ANKRD62: variants seen among roughly 807,000 people sequenced by gnomAD.
The protein encoded by ANKRD62 is ankyrin repeat domain-containing protein 62.
A neutral mutation model predicts 98.8 loss-of-function variants in ANKRD62; 61 were observed. That is an observed-to-expected ratio of 0.62 (90% CI 0.50 to 0.76). The LOEUF (loss-of-function observed/expected upper bound fraction) is 0.76. Ranked by LOEUF, ANKRD62 falls within the 30% of genes least tolerant of loss-of-function variation. The pLI, the probability that ANKRD62 is intolerant of heterozygous loss-of-function variation, is 0.00. For missense variants in ANKRD62, 933 were observed against 1,082.9 expected, an observed-to-expected ratio of 0.86 and a Z score of 1.94; for synonymous variants, 341 against 367.9, an observed-to-expected ratio of 0.93 and a Z score of 0.84.
At chr18:12,154,396 T>C in the ANKRD62 span, among the ~76,000 whole-genome samples, 3 of 152,266 alleles carry the variant, frequency 2.0e-5, no homozygotes, top group African/African-American at 7.2e-5. Context: ...CACAATGAGA[T>C]ACCATCACCC....
At chr18:12,151,987 A>G in the ANKRD62 span, among the ~76,000 whole-genome samples, 1 of 151,898 alleles carries the variant, frequency 6.6e-6, no homozygotes, top group African/African-American at 2.4e-5. Context: ...AAATTTTTCT[A>G]CACATACACC....
chr18:12,111,248 CAA>C (rs35918523), intron 8 of ANKRD62, among the ~76,000 whole-genome samples: 13 of 124,696 alleles, frequency 1.0e-4, no homozygotes, highest in Admixed American at 1.7e-4. Context: ...GACTGCCTCT[CAA>C]AAAAAAAAAA....
intron 11 of ANKRD62, 122 bp downstream of exon 11, chr18:12,122,638 T>C: frequency 1.2e-6 from 1 of 823,666 alleles, no homozygotes. Context: ...CTTAAAATTG[T>C]GGAATGTGAA....
rs1348333753 is a variant in ANKRD62 at position 12,095,153 on chromosome 18, G to A, written c.219-18G>A. The A allele has an allele frequency of 5.2e-6, 8 of 1,530,008 alleles. No individual in the cohort carries two copies. The African/African-American group carries it at 6.9e-5, about 13-fold the overall frequency. The allele number at this position is 1,530,008 out of a possible 1,614,324, so 94.8% of individuals were successfully genotyped here. ...ACTGTGCACTACAATTGCCTAAAGC[G>A]ACCTCTCATTCTCACAGGACTGCTC... On this transcript the variant is annotated intron_variant, in intron 1 of 13. Coordinates refer to ENST00000587848, the MANE Select transcript of ANKRD62 (RefSeq NM_001277333.2).
chr18:12,114,007 G>A (rs148128279), intron 8 of ANKRD62, among the ~76,000 whole-genome samples: 132 of 152,208 alleles, frequency 8.7e-4, no homozygotes, highest in African/African-American at 3.1e-3. Flanking sequence ...GGAGCTGGTG[G>A]CCATTATTCT....
intron 3 of ANKRD62, 80 bp from the exon 4 acceptor site, chr18:12,096,116 A>C: frequency 1.1e-6 from 1 of 942,708 alleles, no homozygotes; most frequent in Non-Finnish European, 1.6e-6. Context: ...TTAAGTTCAT[A>C]GGATCTTAAC....
chr18:12,155,276 T>A, the ANKRD62 span, among the ~76,000 whole-genome samples: 1 of 152,218 alleles, frequency 6.6e-6, no homozygotes, highest in South Asian at 2.1e-4. Context: ...TTTATGAGAA[T>A]TTAATATGAG....
chr18:12,159,885 G>T, the ANKRD62 span, among the ~76,000 whole-genome samples: 1 of 152,048 alleles, frequency 6.6e-6, no homozygotes, highest in African/African-American at 2.4e-5. Flanking sequence ...TTAGTTTTGT[G>T]TAGGTCTTTT....
intron 6 of ANKRD62, 139 bp from the exon 7 acceptor site, chr18:12,103,019 A>G (rs1032625082): frequency 4.2e-5 from 27 of 646,498 alleles, no homozygotes; most frequent in Non-Finnish European, 5.8e-5. Flanking sequence ...AAGTAGATAT[A>G]TCGCTAAAGA....
At chr18:12,158,027 C>T in the ANKRD62 span, among the ~76,000 whole-genome samples, 1 of 152,208 alleles carries the variant, frequency 6.6e-6, no homozygotes, top group Non-Finnish European at 1.5e-5. Context: ...GTTGGCTCCC[C>T]CTTCCAGCGT....
chr18:12,119,340 CTTCTTCT>C (rs1350661740), intron 10 of ANKRD62, among the ~76,000 whole-genome samples: 2 of 80,938 alleles, frequency 2.5e-5, no homozygotes, highest in African/African-American at 9.6e-5. Context: ...TGTTGCTGAT[CTTCTTCT>C]TTTTTTTTTT....
intron 6 of ANKRD62, among the ~76,000 whole-genome samples, 185 bp downstream of exon 6, chr18:12,099,867 A>G (rs1909261828): frequency 6.6e-6 from 1 of 152,168 alleles, no homozygotes; most frequent in Admixed American, 6.5e-5. Context: ...TAGGCAAGTT[A>G]TAATCTCAAG....
intron 5 of ANKRD62, among the ~76,000 whole-genome samples, chr18:12,098,927 C>T (rs969644348): frequency 2.6e-5 from 4 of 152,196 alleles, no homozygotes; most frequent in Non-Finnish European, 5.9e-5. Flanking sequence ...TGTTAGCTTT[C>T]TGCCTTTGGT....
the ANKRD62 span, among the ~76,000 whole-genome samples, chr18:12,140,974 G>T: frequency 6.6e-5 from 10 of 152,360 alleles, no homozygotes; most frequent in Middle Eastern, 3.4e-3. Context: ...GAGGCAGGCA[G>T]GCCTCCTTGA....
chr18:12,177,771 C>G, the ANKRD62 span, among the ~76,000 whole-genome samples: 4 of 146,112 alleles, frequency 2.7e-5, no homozygotes, highest in Admixed American at 2.1e-4. Context: ...TCATGAGAGA[C>G]AAGAAAGCCT....
At chr18:12,150,833 A>G in the ANKRD62 span, among the ~76,000 whole-genome samples, 1 of 152,220 alleles carries the variant, frequency 6.6e-6, no homozygotes, top group Admixed American at 6.5e-5. Context: ...ACCACCAGCT[A>G]GTACAAAAAT....
rs1431316203 is a variant in ANKRD62 at position 12,122,628 on chromosome 18, C to G, written c.1454+112C>G. 4.4e-6 allele frequency: 4 copies of G among 904,286 alleles called. No individual in the cohort carries two copies. The South Asian group carries it at 9.7e-5, about 22-fold the overall frequency. 56.0% of individuals were successfully genotyped at this position (904,286 alleles called of 1,614,324 possible). On this transcript the variant is annotated intron_variant, in intron 11 of 13. Transcript: ENST00000587848. ...TAGGGTTTAATAGAGAAGAAAACCT[C>G]TTAAAATTGTGGAATGTGAAATTTT... is the stretch of plus-strand genomic sequence containing the variant.
the ANKRD62 span, among the ~76,000 whole-genome samples, chr18:12,173,517 G>T: frequency 6.6e-6 from 1 of 152,196 alleles, no homozygotes; most frequent in African/African-American, 2.4e-5. Flanking sequence ...TAATATGTGT[G>T]AATTTAATCC....
At chr18:12,123,077 C>T (rs553945687) in intron 11 of ANKRD62, among the ~76,000 whole-genome samples, 15 of 152,160 alleles carry the variant, frequency 9.9e-5, no homozygotes, top group Admixed American at 3.9e-4. Flanking sequence ...GAGACAGAGT[C>T]TTGCGCTGTC....
Sources: allele counts gnomAD v4.1 joint callset (sites outside exome capture counted in the v4.1 genomes callset), GRCh38; gene constraint gnomAD v4.1.1; transcripts MANE v1.5; gene names NCBI Gene and HGNC (gene_info 2026-07-23, HGNC 2026-07-21).